The following ADD3 variants were observed in gnomAD, a reference collection of about 807,000 sequenced individuals.
ADD3 encodes the protein gamma-adducin.
In ADD3, 25 loss-of-function variants were observed where a neutral mutation model predicts 80.2. The ratio of observed to expected loss-of-function variants is 0.31; its 90% CI spans 0.23 to 0.44. The LOEUF is 0.44. ADD3 is among the 20% of genes least tolerant of loss of function. ADD3 has a pLI of 1.00. For synonymous variants in ADD3, 284 were observed against 289.6 expected (o/e 0.98, Z 0.20); for missense variants, 829 against 847.5 (o/e 0.98, Z 0.27).
chr10:110,095,124 G>T (rs1053672898), intron 1 of ADD3, among the ~76,000 whole-genome samples: 1 of 152,170 alleles, frequency 6.6e-6, no homozygotes, highest in Admixed American at 6.5e-5. Context: ...CCCATTTATG[G>T]AGTTCTCGCC....
intron 2 of ADD3, among the ~76,000 whole-genome samples, chr10:110,111,611 G>A (rs908119765): frequency 3.3e-5 from 5 of 152,094 alleles, no homozygotes; most frequent in Admixed American, 6.5e-5. Context: ...GGAACCCAAC[G>A]TTCCATTAAA....
At chr10:110,121,668 C>G (rs1851516787) in intron 8 of ADD3, among the ~76,000 whole-genome samples, 1 of 152,184 alleles carries the variant, frequency 6.6e-6, no homozygotes, top group African/African-American at 2.4e-5. Flanking sequence ...TCAAATGGGG[C>G]TATGAAAAGC....
intron 1 of ADD3, among the ~76,000 whole-genome samples, chr10:110,082,486 C>T (rs1485136767): frequency 1.3e-5 from 2 of 152,146 alleles, no homozygotes; most frequent in East Asian, 1.9e-4. Flanking sequence ...AATTCAAGTT[C>T]TGTAAAACAT....
chr10:110,045,230 T>C (rs993560682), intron 1 of ADD3, among the ~76,000 whole-genome samples: 12 of 152,200 alleles, frequency 7.9e-5, no homozygotes, highest in African/African-American at 2.9e-4. Flanking sequence ...GGCGTGCGCC[T>C]GTAGTCCCAG....
intron 1 of ADD3, among the ~76,000 whole-genome samples, chr10:110,089,068 T>G (rs1304875275): frequency 6.6e-6 from 1 of 152,150 alleles, no homozygotes; most frequent in Non-Finnish European, 1.5e-5. Flanking sequence ...TTTCCTATAT[T>G]ATTTGTATTT....
At chr10:110,029,885 T>G (rs900992925) in intron 1 of ADD3, among the ~76,000 whole-genome samples, 1 of 152,190 alleles carries the variant, frequency 6.6e-6, no homozygotes, top group Non-Finnish European at 1.5e-5. Context: ...TTTAAAGTTA[T>G]TATTGGCCTT....
In ADD3 at chr10:110,010,589, G is replaced by C. The variant is rs554436545; in HGVS notation, c.-30+2290G>C. ...GAAGGCTGTTAGGTCATGCTACCCAGCATGTGAAGACTCAGCAAATATTTG... is the reference window on the plus strand; with the variant it reads ...GAAGGCTGTTAGGTCATGCTACCCACCATGTGAAGACTCAGCAAATATTTG... On this transcript the variant is annotated intron_variant, in intron 1 of 14. Transcript: ENST00000356080. Among the ~76,000 whole-genome samples the C allele has an allele frequency of 2.0e-5, 3 of 152,310 alleles. No individual in the cohort carries two copies. In the East Asian group the frequency reaches 5.8e-4, roughly 29 times the overall value.
chr10:110,116,126 T>C, intron 3 of ADD3, 133 bp from the exon 4 acceptor site: 1 of 759,786 alleles, frequency 1.3e-6, no homozygotes, highest in Non-Finnish European at 2.1e-6. Context: ...TAAAATATTA[T>C]ATGGGCTGAT....
chr10:110,000,349 C>G (rs997421837), intron 1 of ADD3, among the ~76,000 whole-genome samples: 2 of 152,160 alleles, frequency 1.3e-5, no homozygotes, highest in Non-Finnish European at 2.9e-5. Context: ...TGTATTATGT[C>G]AGAATATAAG....
Position 110,133,690 on chromosome 10 carries a change from A to G in ADD3, c.*72A>G. On this transcript the variant is annotated 3_prime_UTR_variant, in exon 15 of 15. Coordinates refer to ENST00000356080, the MANE Select transcript of ADD3 (RefSeq NM_016824.5). ...TCTAAATACCACATTTAAGTTGATC[A>G]TTAATATGCAATGGTAGATCAGATT... The G allele has an allele frequency of 8.0e-7, 1 of 1,255,754 alleles. No homozygotes were observed. The highest frequency in any genetic ancestry group is 1.7e-5 in the South Asian group (1 of 59,332). 77.8% of individuals were successfully genotyped at this position (1,255,754 alleles called of 1,614,324 possible).
chr10:110,079,600 G>T lies in ADD3; in HGVS notation c.-29-21025G>T, dbSNP rs186341493. Among the ~76,000 whole-genome samples, 28 of 151,524 alleles carry T rather than the reference G, an allele frequency of 1.8e-4. 1 individual carries two copies. In the East Asian group the frequency reaches 3.9e-3, roughly 21 times the overall value. ...AGACAGAGTCTTACTCTGTCACCTA[G>T]GTTGGAGTATAGTGGCGCGATCTTG... On this transcript the variant is annotated intron_variant, in intron 1 of 14. Transcript: ENST00000356080.
In ADD3 at chr10:110,133,928, TAGAA is replaced by T. The variant is rs1340494601; in HGVS notation, c.*316_*319del. On this transcript the variant is annotated 3_prime_UTR_variant, in exon 15 of 15. Coordinates refer to ENST00000356080, the MANE Select transcript of ADD3 (RefSeq NM_016824.5). The stretch of plus-strand genomic sequence containing the variant: ...TTCAGGCCTTCTCCATAATATCTGT[TAGAA>T]AGAAATTGCCAGTGAGCAAGTGAGA... 5.4e-6 allele frequency: 1 copy of T among 184,302 alleles called. No homozygotes were observed. The highest frequency in any genetic ancestry group is 1.1e-5 in the Non-Finnish European group (1 of 89,894). 11.4% of individuals were successfully genotyped at this position (184,302 alleles called of 1,614,324 possible).
intron 8 of ADD3, among the ~76,000 whole-genome samples, chr10:110,120,523 G>A (rs1332681717): frequency 1.4e-4 from 22 of 152,006 alleles, no homozygotes; most frequent in Admixed American, 5.2e-4. Flanking sequence ...GAATAATGCC[G>A]CAATAAACAT....
chr10:110,025,217 C>G (rs1178055547), intron 1 of ADD3, among the ~76,000 whole-genome samples: 1 of 152,008 alleles, frequency 6.6e-6, no homozygotes, highest in Non-Finnish European at 1.5e-5. Context: ...AAAACGTTTC[C>G]TTTCCTAGCG....
intron 1 of ADD3, among the ~76,000 whole-genome samples, chr10:110,014,676 C>T (rs570314238): frequency 3.6e-4 from 55 of 152,016 alleles, no homozygotes; most frequent in Non-Finnish European, 6.3e-4. Flanking sequence ...TACAGGCATA[C>T]GCCACCACGC....
chr10:110,125,239 GCTTT>G (rs1851996407), intron 10 of ADD3, among the ~76,000 whole-genome samples: 1 of 152,030 alleles, frequency 6.6e-6, no homozygotes, highest in Non-Finnish European at 1.5e-5. Context: ...ATCGAGATTC[GCTTT>G]CTTTAAGGAT....
At chr10:110,050,827 CA>C (rs1857438030) in intron 1 of ADD3, among the ~76,000 whole-genome samples, 2 of 152,060 alleles carry the variant, frequency 1.3e-5, no homozygotes, top group Non-Finnish European at 2.9e-5. Flanking sequence ...TACCCAGTGT[CA>C]GGTATGTTTT....
At chr10:110,021,648 CTAGAA>C (rs1853692846) in intron 1 of ADD3, among the ~76,000 whole-genome samples, 1 of 152,058 alleles carries the variant, frequency 6.6e-6, no homozygotes, top group Non-Finnish European at 1.5e-5. Context: ...CATGAAATGT[CTAGAA>C]TAGACATTTA....
chr10:110,011,511 A>T (rs188682863), intron 1 of ADD3, among the ~76,000 whole-genome samples: 1 of 152,354 alleles, frequency 6.6e-6, no homozygotes, highest in African/African-American at 2.4e-5. Context: ...CATGCGTTGA[A>T]TTGAGAAAGT....
Sources: gnomAD v4.1 joint callset for allele counts (sites outside exome capture counted in the v4.1 genomes callset) on GRCh38, gnomAD v4.1.1 for gene constraint, MANE v1.5 for transcripts, NCBI Gene and HGNC (gene_info 2026-07-23, HGNC 2026-07-21) for gene names.